Variants in DTD1 observed in about 807,000 individuals in gnomAD.
DTD1 encodes D-aminoacyl-tRNA deacylase 1, also known as D-tyrosyl-tRNA deacylase 1 homolog.
DTD1 carries 13 observed loss-of-function variants against 25.6 expected under a neutral mutation model. The ratio of observed to expected loss-of-function variants is 0.51; its 90% CI spans 0.33 to 0.81. The LOEUF (loss-of-function observed/expected upper bound fraction) is 0.81. DTD1 is among the 30% of genes least tolerant of loss of function. DTD1 has a pLI of 0.02. For synonymous variants in DTD1, 110 were observed against 103.6 expected (o/e 1.06, Z -0.37); for missense variants, 193 against 266.4 (o/e 0.72, Z 1.92).
chr20:18,718,226 G>A (rs1427063017), intron 4 of DTD1, among the ~76,000 whole-genome samples: 1 of 152,214 alleles, frequency 6.6e-6, no homozygotes, highest in African/African-American at 2.4e-5. Flanking sequence ...ATAAAAAGCT[G>A]GAGATCTATG....
chr20:18,716,208 T>G (rs2061180148), intron 4 of DTD1, among the ~76,000 whole-genome samples: 1 of 152,232 alleles, frequency 6.6e-6, no homozygotes, highest in South Asian at 2.1e-4. Flanking sequence ...TGGTTCAGGA[T>G]CTGAACCTTT....
At chr20:18,727,018 G>A (rs544752194) in intron 4 of DTD1, among the ~76,000 whole-genome samples, 4 of 152,356 alleles carry the variant, frequency 2.6e-5, no homozygotes, top group African/African-American at 9.6e-5. Flanking sequence ...GAGGACGGGT[G>A]GACTCTTGGG....
chr20:18,706,788 C>T (rs2061128135), intron 4 of DTD1, among the ~76,000 whole-genome samples: 1 of 152,202 alleles, frequency 6.6e-6, no homozygotes, highest in African/African-American at 2.4e-5. Flanking sequence ...CAGTGTAACT[C>T]GGTGCTCAGT....
intron 1 of DTD1, chr20:18,588,827 G>C: frequency 8.1e-6 from 8 of 985,292 alleles, no homozygotes; most frequent in Non-Finnish European, 9.6e-6. Context: ...GTCTCGGTTG[G>C]GCATCAGAGG....
chr20:18,656,069 C>A (rs1236897903), intron 4 of DTD1, among the ~76,000 whole-genome samples: 5 of 152,144 alleles, frequency 3.3e-5, no homozygotes, highest in African/African-American at 1.2e-4. Flanking sequence ...CCACACCTGG[C>A]CTCATTTGTT....
chr20:18,631,148 A>G (rs948955885), intron 4 of DTD1: 8 of 985,332 alleles, frequency 8.1e-6, no homozygotes, highest in East Asian at 1.1e-4. Context: ...CTGCTTCTCT[A>G]TCCCCCTTCT....
In DTD1 at chr20:18,765,385, G is replaced by A. The variant is rs572708504; in HGVS notation, c.*2045G>A. The A allele has an allele frequency of 5.9e-5, 9 of 152,372 alleles. No individual in the cohort carries two copies. Among genetic ancestry groups the A allele is most frequent in the African/African-American group, 2.2e-4 (9 of 41,584 alleles). 9.4% of individuals were successfully genotyped at this position (152,372 alleles called of 1,614,324 possible). ...TTGAGCAGAAATTCTGAGCCTATAT[G>A]TGTGAGGGGGGATCTTTGATTAATT... On this transcript the variant is annotated 3_prime_UTR_variant, in exon 6 of 6. Coordinates refer to ENST00000377452, the MANE Select transcript of DTD1 (RefSeq NM_080820.6).
intron 3 of DTD1, among the ~76,000 whole-genome samples, chr20:18,623,955 A>T (rs2060747078): frequency 6.7e-6 from 1 of 149,576 alleles, no homozygotes; most frequent in African/African-American, 2.5e-5. Flanking sequence ...TACTCCAGGG[A>T]CTATGGCTCT....
chr20:18,705,409 C>T (rs759223985), intron 4 of DTD1, among the ~76,000 whole-genome samples: 2 of 152,134 alleles, frequency 1.3e-5, no homozygotes, highest in Non-Finnish European at 2.9e-5. Flanking sequence ...CTGCCTGTAC[C>T]CTTTCTCACA....
intron 3 of DTD1, among the ~76,000 whole-genome samples, chr20:18,623,269 G>A (rs1210830742): frequency 6.6e-6 from 1 of 152,026 alleles, no homozygotes; most frequent in Non-Finnish European, 1.5e-5. Context: ...TATTTTGAAA[G>A]ATCTCTATAT....
chr20:18,742,352 G>A (rs2061281633), intron 4 of DTD1, among the ~76,000 whole-genome samples: 2 of 152,144 alleles, frequency 1.3e-5, no homozygotes, highest in Non-Finnish European at 2.9e-5. Flanking sequence ...ATGGGGAGTA[G>A]GAAAGAATAA....
Position 18,724,676 on chromosome 20 carries a change from T to C in DTD1, c.478-19424T>C, listed in dbSNP as rs572572701. On this transcript the variant is annotated intron_variant, in intron 4 of 5. Transcript: ENST00000377452. ...AACCTAGAATGTGATTTAGAATCTG[T>C]AGTGGGCACTAAATATTGTATACAC... is the stretch of plus-strand genomic sequence containing the variant. Among the ~76,000 whole-genome samples the C allele has an allele frequency of 1.1e-3, 164 of 152,370 alleles. 1 individual carries two copies. The highest frequency in any genetic ancestry group is 3.5e-3 in the African/African-American group (147 of 41,592).
chr20:18,740,610 A>G (rs1390795069), intron 4 of DTD1, among the ~76,000 whole-genome samples: 1 of 152,232 alleles, frequency 6.6e-6, no homozygotes, highest in Non-Finnish European at 1.5e-5. Flanking sequence ...ATAGAAAACA[A>G]AAAGAAATTG....
chr20:18,695,277 C>T lies in DTD1; in HGVS notation c.478-48823C>T, dbSNP rs533721251. Among the ~76,000 whole-genome samples, 11 of 151,806 alleles carry T rather than the reference C, an allele frequency of 7.2e-5. No homozygotes were observed. The East Asian group carries it at 2.1e-3, about 30-fold the overall frequency. On this transcript the variant is annotated intron_variant, in intron 4 of 5. Coordinates refer to ENST00000377452, the MANE Select transcript of DTD1 (RefSeq NM_080820.6). Reference sequence around the variant, plus strand: ...AAAATGAGATTGATACTGAAGGTCTCTCGTTCAGGTGCACATCTGCCTCTG... The same window carrying T: ...AAAATGAGATTGATACTGAAGGTCTTTCGTTCAGGTGCACATCTGCCTCTG...
intron 4 of DTD1, among the ~76,000 whole-genome samples, chr20:18,716,446 G>T (rs1007941883): frequency 2.0e-5 from 3 of 152,194 alleles, no homozygotes; most frequent in Admixed American, 1.3e-4. Context: ...CATGCCACCC[G>T]CAGGTGGCTG....
chr20:18,680,106 A>G (rs1031829436), intron 4 of DTD1, among the ~76,000 whole-genome samples: 2 of 152,158 alleles, frequency 1.3e-5, no homozygotes, highest in African/African-American at 4.8e-5. Flanking sequence ...GTGTGCTTCA[A>G]ATATCATAGC....
chr20:18,635,009 AT>A (rs1290702528), intron 4 of DTD1, among the ~76,000 whole-genome samples: 1 of 152,228 alleles, frequency 6.6e-6, no homozygotes, highest in Non-Finnish European at 1.5e-5. Flanking sequence ...AAGAACAGTT[AT>A]TTAAATGTAC....
intron 4 of DTD1, among the ~76,000 whole-genome samples, chr20:18,659,322 G>A (rs1303845414): frequency 2.6e-5 from 4 of 152,126 alleles, no homozygotes; most frequent in African/African-American, 9.7e-5. Flanking sequence ...TGAGTGCCCA[G>A]GCTGACCTGT....
At chr20:18,637,129 T>C (rs1251142443) in intron 4 of DTD1, among the ~76,000 whole-genome samples, 2 of 152,228 alleles carry the variant, frequency 1.3e-5, no homozygotes, top group Non-Finnish European at 2.9e-5. Flanking sequence ...TGGACCACCC[T>C]GCCCTCCCTT....
Sources: gnomAD v4.1 joint callset for allele counts (sites outside exome capture counted in the v4.1 genomes callset) on GRCh38, gnomAD v4.1.1 for gene constraint, MANE v1.5 for transcripts, NCBI Gene and HGNC (gene_info 2026-07-23, HGNC 2026-07-21) for gene names.